The following MAPRE2 variants were observed in gnomAD, a reference collection of about 807,000 sequenced individuals.
The protein encoded by MAPRE2 is microtubule-associated protein RP/EB family member 2.
Under a neutral mutation model 43.2 loss-of-function variants are expected in MAPRE2, and 13 were observed. The ratio of observed to expected loss-of-function variants is 0.30; its 90% CI spans 0.20 to 0.48. The LOEUF (loss-of-function observed/expected upper bound fraction) is 0.48. MAPRE2 is among the 20% of genes least tolerant of loss of function. The pLI is 0.99. For missense variants in MAPRE2, 161 were observed against 400.2 expected (o/e 0.40, Z 5.10); for synonymous variants, 135 against 148.8 (o/e 0.91, Z 0.68).
At position 35,104,155 on chromosome 18, in the gene MAPRE2, T is replaced by C. The variant is rs1214358757; in HGVS notation, c.610+1996T>C. On this transcript the variant is annotated intron_variant, in intron 4 of 6. Coordinates refer to ENST00000300249, the MANE Select transcript of MAPRE2 (RefSeq NM_014268.4). ...GGTCACCAACAGTGCCAAATATTAA[T>C]TGTGGCGATATCAAATAGGATGAAG... Among the ~76,000 whole-genome samples the C allele has an allele frequency of 2.6e-5, 4 of 152,102 alleles. No individual in the cohort carries two copies. In the East Asian group the frequency reaches 7.7e-4, roughly 29 times the overall value.
intron 1 of MAPRE2, among the ~76,000 whole-genome samples, chr18:35,059,687 T>C (rs934382575): frequency 1.3e-5 from 2 of 152,024 alleles, no homozygotes; most frequent in Non-Finnish European, 2.9e-5. Flanking sequence ...AGCGGCCACT[T>C]CAGAAGTGGG....
chr18:35,132,246 C>T, intron 6 of MAPRE2, 56 bp downstream of exon 6: 1 of 1,541,164 alleles, frequency 6.5e-7, no homozygotes, highest in Non-Finnish European at 8.9e-7. Context: ...TTGGTCAAAA[C>T]ACAGTAGATC....
intron 4 of MAPRE2, among the ~76,000 whole-genome samples, chr18:35,111,704 C>G (rs1447976850): frequency 6.6e-6 from 1 of 152,180 alleles, no homozygotes; most frequent in Non-Finnish European, 1.5e-5. Flanking sequence ...ACTTCGTTTT[C>G]CTTATTATTG....
intron 2 of MAPRE2, among the ~76,000 whole-genome samples, chr18:35,081,342 AT>A (rs1177303666): frequency 6.6e-6 from 1 of 152,180 alleles, no homozygotes. Context: ...AGCAAAGTAT[AT>A]TTTGGGATTA....
chr18:35,017,534 G>A (rs1299270425), intron 2 of MAPRE2, among the ~76,000 whole-genome samples: 1 of 149,092 alleles, frequency 6.7e-6, no homozygotes, highest in Non-Finnish European at 1.5e-5. Flanking sequence ...TTGTTTAGAT[G>A]TATCCCTAGG....
chr18:34,999,941 T>C (rs1005728783), intron 1 of MAPRE2, among the ~76,000 whole-genome samples: 9 of 151,882 alleles, frequency 5.9e-5, no homozygotes, highest in African/African-American at 1.7e-4. Flanking sequence ...AGACCATTAA[T>C]TGAGGCAGTG....
At chr18:35,020,336 T>G (rs1012947944) in intron 2 of MAPRE2, among the ~76,000 whole-genome samples, 26 of 152,164 alleles carry the variant, frequency 1.7e-4, no homozygotes, top group African/African-American at 6.0e-4. Flanking sequence ...TATTCTGTTA[T>G]GATTTTTCAA....
At chr18:35,021,278 T>C (rs2097041808) in intron 2 of MAPRE2, among the ~76,000 whole-genome samples, 1 of 152,106 alleles carries the variant, frequency 6.6e-6, no homozygotes, top group Admixed American at 6.6e-5. Flanking sequence ...AGTTTTAAGA[T>C]GACAGTCTAA....
intron 2 of MAPRE2, among the ~76,000 whole-genome samples, chr18:35,006,969 GCAAA>G (rs1439054772): frequency 2.0e-5 from 3 of 152,098 alleles, no homozygotes; most frequent in African/African-American, 7.2e-5. Context: ...TCTAAAACAA[GCAAA>G]CAAAGTGGAG....
chr18:35,119,586 A>G (rs1298988145), intron 4 of MAPRE2, among the ~76,000 whole-genome samples: 1 of 152,184 alleles, frequency 6.6e-6, no homozygotes, highest in African/African-American at 2.4e-5. Context: ...AAATGAATGA[A>G]TTAGGATAAT....
intron 1 of MAPRE2, among the ~76,000 whole-genome samples, chr18:35,050,506 T>G (rs559872574): frequency 6.6e-6 from 1 of 152,342 alleles, no homozygotes; most frequent in Admixed American, 6.5e-5. Context: ...AAGCTGCCTG[T>G]GTGTTTTGTG....
At chr18:35,064,409 T>C (rs183581160) in intron 1 of MAPRE2, among the ~76,000 whole-genome samples, 2 of 151,982 alleles carry the variant, frequency 1.3e-5, no homozygotes, top group East Asian at 3.9e-4. Context: ...GGCAGCCCCC[T>C]CCCCTGAAGT....
intron 1 of MAPRE2, among the ~76,000 whole-genome samples, chr18:35,002,612 T>C (rs1169347537): frequency 1.3e-5 from 2 of 152,216 alleles, no homozygotes; most frequent in Non-Finnish European, 2.9e-5. Context: ...TTCTGATAGG[T>C]ATGTTGTGAT....
In MAPRE2 at chr18:34,982,126, G is replaced by A. The variant is rs746549863; in HGVS notation, c.-70+5047G>A. ...TCTCGATCTCCTGACCTCGTAATCC[G>A]CCCACCTCGGCCTCCCAGAATGCTG... is the stretch of plus-strand genomic sequence containing the variant. On this transcript the variant is annotated intron_variant, in intron 1 of 7. Transcript: ENST00000413393. Among the ~76,000 whole-genome samples, 3 of 151,810 alleles carry A rather than the reference G, an allele frequency of 2.0e-5. 1 individual carries two copies. In the South Asian group the frequency reaches 6.2e-4, roughly 32 times the overall value.
chr18:35,061,432 T>G (rs1482597000), intron 1 of MAPRE2, among the ~76,000 whole-genome samples: 1 of 152,214 alleles, frequency 6.6e-6, no homozygotes, highest in Non-Finnish European at 1.5e-5. Context: ...CCATCATCCT[T>G]GTGTGAAGTC....
intron 1 of MAPRE2, among the ~76,000 whole-genome samples, chr18:35,046,091 T>G (rs1248813428): frequency 6.6e-6 from 1 of 152,248 alleles, no homozygotes; most frequent in African/African-American, 2.4e-5. Context: ...GCATCTTTTC[T>G]TTATTTACAG....
At chr18:35,102,483 T>C (rs1478638616) in intron 4 of MAPRE2, among the ~76,000 whole-genome samples, 1 of 152,206 alleles carries the variant, frequency 6.6e-6, no homozygotes, top group African/African-American at 2.4e-5. Flanking sequence ...TGTTTAGATT[T>C]TGACTGAAGT....
chr18:35,067,525 C>T (rs1396627599), intron 1 of MAPRE2, among the ~76,000 whole-genome samples: 1 of 152,104 alleles, frequency 6.6e-6, no homozygotes, highest in Non-Finnish European at 1.5e-5. Flanking sequence ...GGTTATTTTT[C>T]TAAAACACAG....
intron 1 of MAPRE2, among the ~76,000 whole-genome samples, chr18:35,044,941 A>G (rs935667797): frequency 6.6e-6 from 1 of 152,246 alleles, no homozygotes; most frequent in Non-Finnish European, 1.5e-5. Flanking sequence ...AGCATGGAAC[A>G]GAGTGGGTGG....
Sources: gnomAD v4.1 joint callset for allele counts (sites outside exome capture counted in the v4.1 genomes callset) on GRCh38, gnomAD v4.1.1 for gene constraint, MANE v1.5 for transcripts, NCBI Gene and HGNC (gene_info 2026-07-23, HGNC 2026-07-21) for gene names.